Variants in ADAMTS2 observed in about 807,000 individuals in gnomAD.
ADAMTS2 encodes ADAM metallopeptidase with thrombospondin type 1 motif 2.
In ADAMTS2, 50 loss-of-function variants were observed where a neutral mutation model predicts 123.0. The observed-to-expected ratio is 0.41, with a 90% CI of 0.32 to 0.51. The LOEUF is 0.51. Ranked by LOEUF, ADAMTS2 falls within the 20% of genes least tolerant of loss-of-function variation. The pLI, the probability that ADAMTS2 is intolerant of heterozygous loss-of-function variation, is 0.35. For missense variants in ADAMTS2, 1,494 were observed against 1,705.2 expected (o/e 0.88, Z 2.18); for synonymous variants, 678 against 695.4 (o/e 0.98, Z 0.39).
intron 2 of ADAMTS2, 81 bp downstream of exon 2, chr5:179,343,686 C>T (rs1340048959): frequency 6.5e-7 from 1 of 1,544,912 alleles, no homozygotes; most frequent in Admixed American, 1.9e-5. Context: ...CCTTGCCCTC[C>T]CAAGGGACTC....
intron 3 of ADAMTS2, among the ~76,000 whole-genome samples, chr5:179,267,399 T>C (rs7701383): frequency 0.32 from 48,497 of 152,182 alleles, 8,146 homozygotes; most frequent in East Asian, 0.58. Context: ...TCAGGGAGGA[T>C]GCTGCAGCCT....
At chr5:179,279,856 C>G (rs544163701) in intron 2 of ADAMTS2, among the ~76,000 whole-genome samples, 164 of 152,382 alleles carry the variant, frequency 1.1e-3, no homozygotes, top group African/African-American at 3.9e-3. Context: ...ACTGACTTTT[C>G]CACTTTTCCA....
At chr5:179,268,105 T>C (rs78825768) in intron 3 of ADAMTS2, among the ~76,000 whole-genome samples, 6,092 of 152,144 alleles carry the variant, frequency 0.04, 230 homozygotes, top group Non-Finnish European at 0.057. Flanking sequence ...AAAAGTCTGA[T>C]GTCTGGATTT....
In ADAMTS2 at chr5:179,228,790, C is replaced by G. The variant is rs1220408212; in HGVS notation, c.689-21075G>C. 6.6e-6 allele frequency among the ~76,000 whole-genome samples: 1 copy of G among 152,260 alleles called. No homozygotes were observed. The highest frequency in any genetic ancestry group is 2.1e-4 in the South Asian group (1 of 4,834). ...ACCCGGGGCGGTGCCTTCACCACGG[C>G]CTCCTCATCCAGCATCCACAACTCT... On this transcript the variant is annotated intron_variant, in intron 3 of 21. Coordinates refer to ENST00000251582, the MANE Select transcript of ADAMTS2 (RefSeq NM_014244.5). This position sits in a 1 kb window ranked among gnomAD's most constrained non-coding sequence, Gnocchi z 5.2.
Position 179,197,996 on chromosome 5 carries a change from G to A in ADAMTS2, c.891+9517C>T, listed in dbSNP as rs1476798760. Among the ~76,000 whole-genome samples, 2 of 152,212 alleles carry A rather than the reference G, an allele frequency of 1.3e-5. No individual in the cohort carries two copies. The highest frequency in any genetic ancestry group is 4.8e-5 in the African/African-American group (2 of 41,464). On this transcript the variant is annotated intron_variant, in intron 4 of 21. Transcript: ENST00000251582. The surrounding 1 kb of genome is among the most constrained non-coding windows in gnomAD (Gnocchi z 4.2). Reference sequence around the variant, plus strand: ...GCTGGCAGAGCAAGTTTTTGAAAATGTGAGAAATACCAAAGCCCCAGGGTC... The same window carrying A: ...GCTGGCAGAGCAAGTTTTTGAAAATATGAGAAATACCAAAGCCCCAGGGTC...
At chr5:179,211,583 A>G (rs1291048722) in intron 3 of ADAMTS2, among the ~76,000 whole-genome samples, 1 of 152,230 alleles carries the variant, frequency 6.6e-6, no homozygotes, top group African/African-American at 2.4e-5. Flanking sequence ...GAAGCACTCC[A>G]GAGCCATCCT....
At position 179,181,203 on chromosome 5, in the gene ADAMTS2, G is replaced by A. The variant is rs78222573; in HGVS notation, c.892-48C>T. On this transcript the variant is annotated intron_variant, in intron 4 of 21. Coordinates refer to ENST00000251582, the MANE Select transcript of ADAMTS2 (RefSeq NM_014244.5). The surrounding 1 kb of genome is among the most constrained non-coding windows in gnomAD (Gnocchi z 4.1). ...AGCGGGAACCACAGGCCCTAGGACT[G>A]GCTCTGGCTCTGCCAATGGGATGAC... 25,189 of 1,364,138 alleles carry A rather than the reference G, an allele frequency of 0.018. 285 individuals carry two copies. Among genetic ancestry groups the A allele is most frequent in the Non-Finnish European group, 0.023 (21,810 of 953,272 alleles). 84.5% of individuals were successfully genotyped at this position (1,364,138 alleles called of 1,614,324 possible). A position where few individuals can be genotyped will look rare whatever the true frequency, so the allele number is the denominator to read the frequency against.
chr5:179,337,998 A>G (rs1415874880), intron 2 of ADAMTS2, among the ~76,000 whole-genome samples: 1 of 152,212 alleles, frequency 6.6e-6, no homozygotes, highest in Non-Finnish European at 1.5e-5. Context: ...TGACTCGCTA[A>G]GCACTGGAGA....
chr5:179,136,192 G>T, intron 12 of ADAMTS2, 150 bp from the exon 13 acceptor site: 1 of 1,107,744 alleles, frequency 9.0e-7, no homozygotes, highest in Non-Finnish European at 1.3e-6. Context: ...GTGGGTGACA[G>T]CAGCCCCCTT....
chr5:179,345,069 G>T lies in ADAMTS2; in HGVS notation c.139+121C>A. On this transcript the variant is annotated intron_variant, in intron 1 of 21. Transcript: ENST00000251582. The surrounding 1 kb of genome is among the most constrained non-coding windows in gnomAD (Gnocchi z 7.5). ...CCGAAGTTGGCCAACTTGGCCCCGG[G>T]CGGGGCGCGCGGAGTTTGCCCAAGT... 1.3e-6 allele frequency: 1 copy of T among 785,686 alleles called. No homozygotes were observed. Among genetic ancestry groups the T allele is most frequent in the Non-Finnish European group, 1.6e-6 (1 of 636,546 alleles). 48.7% of individuals were successfully genotyped at this position (785,686 alleles called of 1,614,324 possible).
rs141541318 is a variant in ADAMTS2, at chr5:179,114,000, T to C, written c.3503A>G (p.His1168Arg). Residue 1168 changes from histidine (H) to arginine (R), a missense_variant, in exon 22 of 22, where the codon CAT becomes CGT. Transcript: ENST00000251582. ...TNAVDEPYKI[H>R]GLEDEVQPPN... ...TGGCTGGACTTCATCTTCCAGGCCA[T>C]GGATTTTGTAGGGTTCATCTACGGC... The C allele has an allele frequency of 9.9e-6, 16 of 1,613,962 alleles. No individual in the cohort carries two copies. Among genetic ancestry groups the C allele is most frequent in the Non-Finnish European group, 1.2e-5 (14 of 1,180,022 alleles).
rs1762974141 is a variant in ADAMTS2, at chr5:179,132,128, T to A, written c.2290+102A>T. 2.5e-6 allele frequency: 3 copies of A among 1,179,706 alleles called. No homozygotes were observed. The allele number at this position is 1,179,706 out of a possible 1,614,324, so 73.1% of individuals were successfully genotyped here. A position where few individuals can be genotyped will look rare whatever the true frequency, so the allele number is the denominator to read the frequency against. ...GGGCTGCCCTGGCTCAGGTCATGGC[T>A]GCACAACCCGGGCCCCTGACCCCTG... On this transcript the variant is annotated intron_variant, in intron 15 of 21. Transcript: ENST00000251582. This position sits in a 1 kb window ranked among gnomAD's most constrained non-coding sequence, Gnocchi z 6.1.
chr5:179,189,008 C>A lies in ADAMTS2; in HGVS notation c.892-7853G>T, dbSNP rs1358198010. On this transcript the variant is annotated intron_variant, in intron 4 of 21. Coordinates refer to ENST00000251582, the MANE Select transcript of ADAMTS2 (RefSeq NM_014244.5). The surrounding 1 kb of genome is among the most constrained non-coding windows in gnomAD (Gnocchi z 4.2). ...GTTAGCAGAGTGTGGGGGGGATATT[C>A]CCACTCTGAGGTCAGATTTCATGGG... 6.6e-6 allele frequency among the ~76,000 whole-genome samples: 1 copy of A among 152,158 alleles called. No homozygotes were observed. Among genetic ancestry groups the A allele is most frequent in the African/African-American group, 2.4e-5 (1 of 41,448 alleles).
chr5:179,209,004 A>C (rs1335903907), intron 3 of ADAMTS2, among the ~76,000 whole-genome samples: 3 of 151,594 alleles, frequency 2.0e-5, no homozygotes, highest in East Asian at 2.0e-4. Flanking sequence ...TTCACCCCCA[A>C]CGCCTCTCTC....
At chr5:179,125,900 G>C (rs1762847031) in intron 18 of ADAMTS2, 98 bp downstream of exon 18, 1 of 1,536,280 alleles carries the variant, frequency 6.5e-7, no homozygotes, top group Non-Finnish European at 8.9e-7. Flanking sequence ...AAATGCCTCG[G>C]ATGATGCCAG....
At chr5:179,169,240 T>C (rs951151503) in intron 5 of ADAMTS2, among the ~76,000 whole-genome samples, 4 of 152,162 alleles carry the variant, frequency 2.6e-5, no homozygotes, top group Non-Finnish European at 5.9e-5. Context: ...TGTTCACCCT[T>C]CCATCATGCG....
rs1001311124 is a variant in ADAMTS2, at chr5:179,181,021, C to T, written c.975+51G>A. The T allele has an allele frequency of 4.9e-6, 7 of 1,431,206 alleles. No individual in the cohort carries two copies. The highest frequency in any genetic ancestry group is 1.4e-5 in the African/African-American group (1 of 71,206). 88.7% of individuals were successfully genotyped at this position (1,431,206 alleles called of 1,614,324 possible). A position where few individuals can be genotyped will look rare whatever the true frequency, so the allele number is the denominator to read the frequency against. On this transcript the variant is annotated intron_variant, in intron 5 of 21. Coordinates refer to ENST00000251582, the MANE Select transcript of ADAMTS2 (RefSeq NM_014244.5). The surrounding 1 kb of genome is among the most constrained non-coding windows in gnomAD (Gnocchi z 4.1). ...GGAGGCCCATGCCTCACTCCCAGGC[C>T]CCTCACTCCGAGGGGGTGGAGGCAG...
At chr5:179,224,873 G>A (rs571037083) in intron 3 of ADAMTS2, among the ~76,000 whole-genome samples, 2 of 150,766 alleles carry the variant, frequency 1.3e-5, no homozygotes, top group Non-Finnish European at 2.9e-5. Flanking sequence ...CTGCCACCTC[G>A]GCTCCACGCC....
intron 3 of ADAMTS2, among the ~76,000 whole-genome samples, chr5:179,238,044 C>T (rs947179215): frequency 3.3e-5 from 5 of 152,284 alleles, no homozygotes; most frequent in South Asian, 2.1e-4. Flanking sequence ...AAACACACAC[C>T]GAAGCCATGT....
Sources: allele counts gnomAD v4.1 joint callset (sites outside exome capture counted in the v4.1 genomes callset), GRCh38; gene constraint gnomAD v4.1.1; non-coding constraint Gnocchi (gnomAD v3.1); transcripts MANE v1.5; gene names NCBI Gene and HGNC (gene_info 2026-07-23, HGNC 2026-07-21).